Variants in ARHGAP10 observed in about 807,000 individuals in gnomAD.
ARHGAP10 encodes rho GTPase-activating protein 10.
Under a neutral mutation model 108.6 loss-of-function variants are expected in ARHGAP10, and 87 were observed. That is an observed-to-expected ratio of 0.80 (90% CI 0.67 to 0.96). The LOEUF is 0.96. Ranked by LOEUF, ARHGAP10 falls within the 40% of genes least tolerant of loss-of-function variation. ARHGAP10 has a pLI of 0.00. For synonymous variants in ARHGAP10, 347 were observed against 341.1 expected (o/e 1.02, Z -0.19); for missense variants, 939 against 954.5 (o/e 0.98, Z 0.21).
At chr4:147,979,438 GT>G (rs1739725626) in intron 18 of ARHGAP10, among the ~76,000 whole-genome samples, 1 of 151,970 alleles carries the variant, frequency 6.6e-6, no homozygotes, top group African/African-American at 2.4e-5. Context: ...ATACTATGCT[GT>G]TTTGGTTATT....
rs75841859 is a variant in ARHGAP10, at chr4:147,748,123, A to G, written c.154+15668A>G. 8.0e-3 allele frequency among the ~76,000 whole-genome samples: 1,221 copies of G among 152,342 alleles called. 19 individuals carry two copies. Among genetic ancestry groups the G allele is most frequent in the African/African-American group, 0.028 (1,147 of 41,572 alleles). On this transcript the variant is annotated intron_variant, in intron 1 of 22. Coordinates refer to ENST00000336498, the MANE Select transcript of ARHGAP10 (RefSeq NM_024605.4). Reference sequence around the variant, plus strand: ...GGGAGCCCATGTAATCTAAACCCAGATACTCTTGAGAAGTACAGTTATGCT... The same window carrying G: ...GGGAGCCCATGTAATCTAAACCCAGGTACTCTTGAGAAGTACAGTTATGCT...
At chr4:147,813,575 C>T (rs1457064652) in intron 1 of ARHGAP10, among the ~76,000 whole-genome samples, 1 of 152,148 alleles carries the variant, frequency 6.6e-6, no homozygotes, top group Non-Finnish European at 1.5e-5. Flanking sequence ...TGGCAGCAAA[C>T]CCAGAGTCTG....
At chr4:147,935,173 T>G (rs1427757725) in intron 13 of ARHGAP10, among the ~76,000 whole-genome samples, 3 of 152,150 alleles carry the variant, frequency 2.0e-5, no homozygotes, top group African/African-American at 7.2e-5. Context: ...TGTGATTAAG[T>G]TGAATACACT....
At chr4:147,793,860 A>T (rs1731216482) in intron 1 of ARHGAP10, among the ~76,000 whole-genome samples, 2 of 152,234 alleles carry the variant, frequency 1.3e-5, no homozygotes, top group African/African-American at 4.8e-5. Flanking sequence ...AAGTAGAAAC[A>T]CATAGGCATT....
At position 147,913,096 on chromosome 4, in the gene ARHGAP10, G is replaced by A; in HGVS notation, c.1185G>A (p.Gly395=). ...PEGNAQLDKM[G]FTIIRKCISA... is the part of the protein sequence containing the mutation. Reference sequence around the variant, plus strand: ...TAGATGCACAGTTGGATAAGATGGGGTTCACAATTATCAGAAAATGCATCA... The same window carrying A: ...TAGATGCACAGTTGGATAAGATGGGATTCACAATTATCAGAAAATGCATCA... The change falls in exon 13 of 23, where the codon GGG becomes GGA. Residue 395 remains glycine, a synonymous_variant. Coordinates refer to ENST00000336498, the MANE Select transcript of ARHGAP10 (RefSeq NM_024605.4). 1 of 1,613,812 alleles carries A rather than the reference G, an allele frequency of 6.2e-7. No homozygotes were observed. Among genetic ancestry groups the A allele is most frequent in the East Asian group, 2.2e-5 (1 of 44,838 alleles).
chr4:147,911,831 AATATT>A (rs1736749063), intron 12 of ARHGAP10, among the ~76,000 whole-genome samples: 1 of 152,088 alleles, frequency 6.6e-6, no homozygotes, highest in Admixed American at 6.5e-5. Flanking sequence ...AAAATAATAA[AATATT>A]ATTTTAAAAG....
At chr4:147,850,586 C>CA (rs1343361645) in intron 4 of ARHGAP10, among the ~76,000 whole-genome samples, 1 of 152,186 alleles carries the variant, frequency 6.6e-6, no homozygotes. Flanking sequence ...ACCACGAACC[C>CA]ACCAGAAGGA....
At chr4:147,942,996 A>C (rs1025833070) in intron 14 of ARHGAP10, among the ~76,000 whole-genome samples, 3 of 152,258 alleles carry the variant, frequency 2.0e-5, no homozygotes, top group African/African-American at 7.2e-5. Context: ...GTAGAAACTT[A>C]GCACAGTTTG....
At chr4:147,904,710 A>C (rs1291401947) in intron 10 of ARHGAP10, among the ~76,000 whole-genome samples, 3 of 152,184 alleles carry the variant, frequency 2.0e-5, no homozygotes. Flanking sequence ...ATGTGTCTTT[A>C]TAGCAACATG....
At chr4:147,822,522 G>A (rs1002862586) in intron 1 of ARHGAP10, among the ~76,000 whole-genome samples, 4 of 152,204 alleles carry the variant, frequency 2.6e-5, no homozygotes, top group Admixed American at 6.5e-5. Context: ...CTGTTCTGTG[G>A]CAGGGTATGA....
At position 148,072,573 on chromosome 4, in the gene ARHGAP10, C is replaced by T. The variant is rs1730230112; in HGVS notation, c.*492C>T. ...CTGCTGTTGGTGCAAGGGAGATGGT[C>T]TCAAGTCAGAGGGAAGCAGAGACGC... On this transcript the variant is annotated 3_prime_UTR_variant, in exon 23 of 23. Transcript: ENST00000336498. The T allele has an allele frequency of 6.5e-6, 1 of 153,070 alleles. No individual in the cohort carries two copies. The highest frequency in any genetic ancestry group is 1.5e-5 in the Non-Finnish European group (1 of 68,770). The allele number at this position is 153,070 out of a possible 1,614,324, so 9.5% of individuals were successfully genotyped here.
chr4:147,767,974 AGT>A (rs1247617215), intron 1 of ARHGAP10, among the ~76,000 whole-genome samples: 1 of 152,234 alleles, frequency 6.6e-6, no homozygotes, highest in Non-Finnish European at 1.5e-5. Context: ...TATACTAGGG[AGT>A]ACCTTTCCCT....
intron 10 of ARHGAP10, among the ~76,000 whole-genome samples, chr4:147,904,979 C>A (rs1276630661): frequency 6.6e-6 from 1 of 152,096 alleles, no homozygotes; most frequent in African/African-American, 2.4e-5. Flanking sequence ...TCTCTGATGG[C>A]CAGTGATGGT....
At chr4:148,037,464 G>A (rs531563039) in intron 19 of ARHGAP10, among the ~76,000 whole-genome samples, 10 of 152,274 alleles carry the variant, frequency 6.6e-5, no homozygotes, top group African/African-American at 2.2e-4. Flanking sequence ...GAGTAAGTAG[G>A]ATACTTTGAC....
At chr4:148,030,022 T>G (rs1728069496) in intron 19 of ARHGAP10, among the ~76,000 whole-genome samples, 1 of 143,572 alleles carries the variant, frequency 7.0e-6, no homozygotes, top group South Asian at 2.4e-4. Context: ...CCAATGCTAG[T>G]GACAAAGTGA....
chr4:147,808,710 G>T (rs747667186), intron 1 of ARHGAP10, among the ~76,000 whole-genome samples: 2 of 152,052 alleles, frequency 1.3e-5, no homozygotes, highest in Non-Finnish European at 2.9e-5. Context: ...ATGATTTCTT[G>T]CCAAAAATGA....
At chr4:147,747,442 A>G (rs1728979865) in intron 1 of ARHGAP10, among the ~76,000 whole-genome samples, 2 of 152,252 alleles carry the variant, frequency 1.3e-5, no homozygotes, top group African/African-American at 2.4e-5. Flanking sequence ...TAGAAGAAAT[A>G]AATGCTTACA....
intron 1 of ARHGAP10, among the ~76,000 whole-genome samples, chr4:147,779,927 A>G (rs541602575): frequency 3.3e-4 from 51 of 152,320 alleles, no homozygotes; most frequent in African/African-American, 1.1e-3. Flanking sequence ...CTAGACACTT[A>G]CACCCTTATA....
At chr4:147,971,093 CAAAAAAA>C (rs59721708) in intron 18 of ARHGAP10, among the ~76,000 whole-genome samples, 2 of 74,272 alleles carry the variant, frequency 2.7e-5, no homozygotes, top group Admixed American at 1.5e-4. Flanking sequence ...GACTCTGTCT[CAAAAAAA>C]AAAAAAAAAA....
Sources: allele counts gnomAD v4.1 joint callset (sites outside exome capture counted in the v4.1 genomes callset), GRCh38; gene constraint gnomAD v4.1.1; transcripts MANE v1.5; gene names NCBI Gene and HGNC (gene_info 2026-07-23, HGNC 2026-07-21).